The following CST3 variants were observed in gnomAD, a reference collection of about 807,000 sequenced individuals.
CST3 encodes cystatin C, also known as cystatin-C.
In CST3, 14 loss-of-function variants were observed where a neutral mutation model predicts 9.0. The observed-to-expected ratio is 1.56, with a 90% CI of 1.03 to 2.44. CST3 has a LOEUF of 2.44. Ranked by LOEUF, CST3 falls within the 30% of genes most tolerant of loss-of-function variation. CST3 has a pLI of 0.00. For synonymous variants in CST3, 96 were observed against 90.2 expected, an observed-to-expected ratio of 1.06 and a Z score of -0.37; for missense variants, 237 against 204.3, an observed-to-expected ratio of 1.16 and a Z score of -0.98.
chr20:23,632,849 T>G (rs1363907914), downstream of CST3, among the ~76,000 whole-genome samples: 1 of 152,208 alleles, frequency 6.6e-6, no homozygotes, highest in South Asian at 2.1e-4. Context: ...AGATCCACTA[T>G]TCTATAGGAT....
intron 1 of CST3, 93 bp from the exon 2 acceptor site, chr20:23,635,460 G>T: frequency 8.8e-7 from 1 of 1,140,076 alleles, no homozygotes; most frequent in Non-Finnish European, 1.3e-6. Flanking sequence ...CACTGGGCTT[G>T]CCTGGGGCTT....
Position 23,633,940 on chromosome 20 carries a change from C to T in CST3, c.417G>A (p.Ser139=), listed in dbSNP as rs77000936. 747 of 1,614,106 alleles carry T rather than the reference C, an allele frequency of 4.6e-4. No individual in the cohort carries two copies. The African/African-American group carries it at 8.7e-3, about 19-fold the overall frequency. The change falls in exon 3 of 3, where the codon TCG becomes TCA. Residue 139 remains serine, a synonymous_variant. Coordinates refer to ENST00000376925, the MANE Select transcript of CST3 (RefSeq NM_000099.4). ...CCTAGGCGTCCTGACAGGTGGATTT[C>T]GACAAGGTCATTGTGCCCTGCCAAG... ...AVPWQGTMTL[S]KSTCQDA
At chr20:23,632,074 G>C (rs1434569115), downstream of CST3, 1 of 152,308 alleles carries the variant, frequency 6.6e-6, no homozygotes, top group Non-Finnish European at 1.5e-5. Flanking sequence ...CGCCGGCTGC[G>C]GAGGGGAGGC....
chr20:23,637,483 G>A (rs1979724398), intron 1 of CST3, 137 bp downstream of exon 1: 1 of 876,178 alleles, frequency 1.1e-6, no homozygotes, highest in Admixed American at 4.1e-5. Context: ...GCTCGGGGGT[G>A]ACAGCGAAGA....
At chr20:23,635,188 A>T (rs1276684290) in intron 2 of CST3, 66 bp downstream of exon 2, 12 of 1,233,776 alleles carry the variant, frequency 9.7e-6, no homozygotes, top group Middle Eastern at 1.9e-4. Context: ...TGCATCACAC[A>T]CACACACACA....
In CST3 at chr20:23,633,834, G is replaced by T; in HGVS notation, c.*82C>A. On this transcript the variant is annotated 3_prime_UTR_variant, in exon 3 of 3. Transcript: ENST00000376925. ...TGGGGAGACCTTCCCCAAGGCAGGGGCCACCAGTCCAGGGGTGGGAATACA... is the reference window on the plus strand; with the variant it reads ...TGGGGAGACCTTCCCCAAGGCAGGGTCCACCAGTCCAGGGGTGGGAATACA... The T allele has an allele frequency of 1.6e-6, 2 of 1,226,534 alleles. No homozygotes were observed. Among genetic ancestry groups the T allele is most frequent in the Non-Finnish European group, 1.2e-6 (1 of 829,482 alleles). 76.0% of individuals were successfully genotyped at this position (1,226,534 alleles called of 1,614,324 possible). A position where few individuals can be genotyped will look rare whatever the true frequency, so the allele number is the denominator to read the frequency against.
At position 23,635,313 on chromosome 20, in the gene CST3, T is replaced by TA. The variant is rs1322945226; in HGVS notation, c.297dup (p.Thr100TyrfsTer14). 2 of 1,613,962 alleles carry TA rather than the reference T, an allele frequency of 1.2e-6. No individual in the cohort carries two copies. The highest frequency in any genetic ancestry group is 1.7e-6 in the Non-Finnish European group (2 of 1,180,004). Reference sequence around the variant, plus strand: ...TTGTCCAAGTTGGGCTGGGTCTTGGTACACGTGGTTCGGCCCAGCTCCACG... The same window carrying TA: ...TTGTCCAAGTTGGGCTGGGTCTTGGTAACACGTGGTTCGGCCCAGCTCCACG... On this transcript the variant is annotated frameshift_variant, in exon 2 of 3. Transcript: ENST00000376925. LOFTEE classifies it high-confidence loss of function.
chr20:23,637,584 G>T, intron 1 of CST3, 36 bp downstream of exon 1: 1 of 1,471,612 alleles, frequency 6.8e-7, no homozygotes, highest in African/African-American at 1.5e-5. Flanking sequence ...GGACGGCGGG[G>T]CCGGGGCTTC....
rs1239120039 is a variant in CST3 at position 23,637,720 on chromosome 20, CCCT to C, written c.140_142del (p.Glu47del). 3.2e-6 allele frequency: 5 copies of C among 1,543,672 alleles called. No individual in the cohort carries two copies. The highest frequency in any genetic ancestry group is 2.6e-6 in the Non-Finnish European group (3 of 1,145,670). On this transcript the variant is annotated inframe_deletion, in exon 1 of 3. Transcript: ENST00000376925. ...GGCAAAGTCCAGTGCACGCCGCACA[CCCT>C]CCTCCTCCACGCTGGCGTCCATGGG...
In CST3 at chr20:23,633,792, C is replaced by A; in HGVS notation, c.*124G>T. On this transcript the variant is annotated 3_prime_UTR_variant, in exon 3 of 3. Coordinates refer to ENST00000376925, the MANE Select transcript of CST3 (RefSeq NM_000099.4). ...GCCGCCTGCTGCCTTCTCTGTCTGT[C>A]TCCTGGTGCAGGCACATGGGGAGAC... The A allele has an allele frequency of 1.2e-6, 1 of 825,962 alleles. No homozygotes were observed. Among genetic ancestry groups the A allele is most frequent in the East Asian group, 2.5e-5 (1 of 40,332 alleles). The allele number at this position is 825,962 out of a possible 1,614,324, so 51.2% of individuals were successfully genotyped here.
At chr20:23,627,154 A>G (rs1308463399) in exon 4 of CST3, 1 of 152,250 alleles carries the variant, frequency 6.6e-6, no homozygotes, top group African/African-American at 2.4e-5. Flanking sequence ...GATCCCTCCA[A>G]GGAAACTTCC....
intron 2 of CST3, among the ~76,000 whole-genome samples, chr20:23,634,513 G>C (rs147812588): frequency 1.5e-3 from 231 of 152,268 alleles, no homozygotes; most frequent in Non-Finnish European, 2.6e-3. Flanking sequence ...AGCTGGTGTT[G>C]GGTGAGCTGG....
downstream of CST3, chr20:23,629,330 TGCCTCCATGCATACA>T (rs1243830571): frequency 1.6e-4 from 25 of 152,372 alleles, no homozygotes; most frequent in African/African-American, 5.3e-4. Context: ...TTGGTAATGA[TGCCTCCATGCATACA>T]GCATGAGCTG....
downstream of CST3, among the ~76,000 whole-genome samples, chr20:23,633,192 C>T (rs555613924): frequency 9.1e-4 from 139 of 152,292 alleles, no homozygotes; most frequent in Non-Finnish European, 1.2e-3. Context: ...GAAAGAAGCA[C>T]GCATTGATCA....
downstream of CST3, among the ~76,000 whole-genome samples, chr20:23,633,088 C>T (rs1031676362): frequency 9.2e-5 from 14 of 152,306 alleles, no homozygotes; most frequent in East Asian, 2.5e-3. Context: ...TCTCTGTGAT[C>T]TTGCTGGTCT....
At chr20:23,636,321 T>C (rs1857759530) in intron 1 of CST3, among the ~76,000 whole-genome samples, 2 of 152,176 alleles carry the variant, frequency 1.3e-5, no homozygotes, top group Admixed American at 1.3e-4. Context: ...TGCTCTGCCA[T>C]GGGATGCAGG....
At chr20:23,632,096 C>G (rs1979469672), downstream of CST3, 1 of 152,264 alleles carries the variant, frequency 6.6e-6, no homozygotes, top group Non-Finnish European at 1.5e-5. Flanking sequence ...GGGGTGGCAC[C>G]AACCTGCTTC....
rs200979591 is a variant in CST3 at position 23,633,904 on chromosome 20, C to G, written c.*12G>C. ...AAGAGGTGATAGGCACAGGCCAGCC[C>G]GGTACAGACCCCTAGGCGTCCTGAC... On this transcript the variant is annotated 3_prime_UTR_variant, in exon 3 of 3. Coordinates refer to ENST00000376925, the MANE Select transcript of CST3 (RefSeq NM_000099.4). The G allele has an allele frequency of 3.1e-6, 5 of 1,612,098 alleles. No homozygotes were observed. The highest frequency in any genetic ancestry group is 4.2e-6 in the Non-Finnish European group (5 of 1,178,346).
At chr20:23,633,047 C>T (rs1013842315), downstream of CST3, among the ~76,000 whole-genome samples, 1 of 152,168 alleles carries the variant, frequency 6.6e-6, no homozygotes, top group African/African-American at 2.4e-5. Flanking sequence ...AGGACACAGC[C>T]TCCCAGGATG....
Sources: allele counts gnomAD v4.1 joint callset (sites outside exome capture counted in the v4.1 genomes callset), GRCh38; gene constraint gnomAD v4.1.1; transcripts MANE v1.5; gene names NCBI Gene and HGNC (gene_info 2026-07-23, HGNC 2026-07-21).